The following ANXA10 variants were observed in gnomAD, a reference collection of about 807,000 sequenced individuals.
The protein encoded by ANXA10 is annexin A10, also known as annexin 14.
Under a neutral mutation model 53.5 loss-of-function variants are expected in ANXA10, and 49 were observed. That is an observed-to-expected ratio of 0.92 (90% confidence interval 0.73 to 1.16). ANXA10 has a LOEUF of 1.16. Among genes scored for constraint, ANXA10 ranks in the 50% most tolerant of loss-of-function variants. The probability of loss-of-function intolerance (pLI) is 0.00; values close to 1 mark genes in which losing one functional copy is unlikely to be tolerated. For missense variants in ANXA10, 393 were observed against 394.4 expected (o/e 1.00, Z 0.03); for synonymous variants, 131 against 128.9 (o/e 1.02, Z -0.11).
intron 3 of ANXA10, among the ~76,000 whole-genome samples, chr4:168,141,811 GTC>G (rs1303755272): frequency 1.3e-5 from 2 of 152,154 alleles, no homozygotes; most frequent in African/African-American, 2.4e-5. Context: ...TCTGTCTCAA[GTC>G]TCTGCCTTTT....
chr4:168,155,870 ATATAT>A (rs1192537966), intron 3 of ANXA10, among the ~76,000 whole-genome samples: 229 of 19,052 alleles, frequency 0.012, 12 homozygotes, highest in Non-Finnish European at 0.018. Context: ...ATGATATATC[ATATAT>A]TATATGTTAT....
chr4:168,111,615 T>C (rs1214658503), intron 1 of ANXA10, among the ~76,000 whole-genome samples: 1 of 152,136 alleles, frequency 6.6e-6, no homozygotes, highest in Non-Finnish European at 1.5e-5. Context: ...TCATATATAA[T>C]ATAGAAATAG....
At chr4:168,179,754 C>T (rs1478338879) in intron 9 of ANXA10, among the ~76,000 whole-genome samples, 1 of 151,990 alleles carries the variant, frequency 6.6e-6, no homozygotes, top group African/African-American at 2.4e-5. Flanking sequence ...AGGAGTAAAT[C>T]CTACCATAAA....
intron 3 of ANXA10, among the ~76,000 whole-genome samples, chr4:168,142,898 C>T (rs1303645087): frequency 1.3e-5 from 2 of 152,082 alleles, no homozygotes; most frequent in Admixed American, 1.3e-4. Flanking sequence ...TTACATCTTG[C>T]CAATAACACT....
chr4:168,097,990 T>G (rs1730578941), intron 1 of ANXA10, among the ~76,000 whole-genome samples: 2 of 152,108 alleles, frequency 1.3e-5, no homozygotes, highest in Non-Finnish European at 2.9e-5. Context: ...TTGGTTTCTC[T>G]TGAATGGACT....
rs1560784335 is a variant in ANXA10, at chr4:168,156,130, A to ATAATATT, written c.196-6396_196-6395insATATTTA. On this transcript the variant is annotated intron_variant, in intron 3 of 11. Coordinates refer to ENST00000359299, the MANE Select transcript of ANXA10 (RefSeq NM_007193.5). ...ATATTATATTTATTTATATTTATAT[A>ATAATATT]TATTATATATAAAAATAATATATAT... Among the ~76,000 whole-genome samples, 242 of 38,126 alleles carry ATAATATT rather than the reference A, an allele frequency of 6.3e-3. 2 individuals carry two copies. The highest frequency in any genetic ancestry group is 0.022 in the African/African-American group (208 of 9,254). 25.0% of individuals were successfully genotyped at this position (38,126 alleles called of 152,430 possible). A position where few individuals can be genotyped will look rare whatever the true frequency, so the allele number is the denominator to read the frequency against.
intron 1 of ANXA10, among the ~76,000 whole-genome samples, chr4:168,119,102 T>C (rs915243477): frequency 2.0e-5 from 3 of 152,202 alleles, no homozygotes; most frequent in Non-Finnish European, 4.4e-5. Flanking sequence ...CAACAATGTG[T>C]AAGATTCTAT....
intron 3 of ANXA10, among the ~76,000 whole-genome samples, chr4:168,156,938 C>T (rs1358604297): frequency 6.6e-6 from 1 of 152,076 alleles, no homozygotes; most frequent in Non-Finnish European, 1.5e-5. Flanking sequence ...TCTCATGTCA[C>T]CTCTATCCTC....
intron 1 of ANXA10, among the ~76,000 whole-genome samples, chr4:168,125,747 G>A (rs183463996): frequency 2.4e-4 from 37 of 152,216 alleles, no homozygotes; most frequent in African/African-American, 7.2e-4. Flanking sequence ...ATACCTATTC[G>A]CAGAGGTGGG....
At chr4:168,181,843 A>T in intron 10 of ANXA10, 102 bp downstream of exon 10, 1 of 890,040 alleles carries the variant, frequency 1.1e-6, no homozygotes, top group Non-Finnish European at 1.8e-6. Flanking sequence ...ACCATTTTTG[A>T]ACTTGTATGT....
intron 2 of ANXA10, among the ~76,000 whole-genome samples, chr4:168,130,955 GC>G (rs1318100757): frequency 1.3e-5 from 2 of 151,636 alleles, no homozygotes; most frequent in Non-Finnish European, 2.9e-5. Flanking sequence ...AGCTTTTGGT[GC>G]CATGGATGTT....
intron 3 of ANXA10, among the ~76,000 whole-genome samples, chr4:168,156,168 ATAT>A (rs1376009044): frequency 2.3e-5 from 1 of 43,102 alleles, no homozygotes; most frequent in Non-Finnish European, 3.7e-5. Context: ...TATATTATAT[ATAT>A]TATATTATAT....
intron 10 of ANXA10, 103 bp downstream of exon 10, chr4:168,181,844 A>G (rs759421637): frequency 1.2e-6 from 1 of 857,774 alleles, no homozygotes; most frequent in Non-Finnish European, 1.9e-6. Flanking sequence ...CCATTTTTGA[A>G]CTTGTATGTA....
chr4:168,106,157 G>A (rs1468787371), intron 1 of ANXA10, among the ~76,000 whole-genome samples: 1 of 151,996 alleles, frequency 6.6e-6, no homozygotes, highest in Admixed American at 6.6e-5. Context: ...TGCCTTTGTT[G>A]CAATTGTTGT....
chr4:168,156,388 A>T (rs1440671105), intron 3 of ANXA10, among the ~76,000 whole-genome samples: 1 of 17,594 alleles, frequency 5.7e-5, no homozygotes, highest in Non-Finnish European at 1.2e-4. Context: ...TAATTAATAT[A>T]TATTATATTA....
At chr4:168,146,690 C>A (rs1480703604) in intron 3 of ANXA10, among the ~76,000 whole-genome samples, 1 of 152,122 alleles carries the variant, frequency 6.6e-6, no homozygotes, top group African/African-American at 2.4e-5. Flanking sequence ...GAGAATCAGC[C>A]CTTACTGTGG....
At chr4:168,162,815 G>C (rs1731809573) in intron 4 of ANXA10, among the ~76,000 whole-genome samples, 174 bp downstream of exon 4, 1 of 152,184 alleles carries the variant, frequency 6.6e-6, no homozygotes, top group Non-Finnish European at 1.5e-5. Context: ...GCCTTGTTAG[G>C]AAGGTGGAGC....
intron 11 of ANXA10, among the ~76,000 whole-genome samples, chr4:168,185,785 C>T (rs564367357): frequency 1.3e-5 from 2 of 152,290 alleles, no homozygotes; most frequent in South Asian, 4.1e-4. Flanking sequence ...ACCTTGTTCA[C>T]GTTGTTTTCA....
intron 1 of ANXA10, among the ~76,000 whole-genome samples, chr4:168,107,794 TC>T (rs1730741846): frequency 6.6e-6 from 1 of 152,132 alleles, no homozygotes; most frequent in Admixed American, 6.6e-5. Flanking sequence ...CATCATAGGA[TC>T]CCCATTCTCA....
Sources: allele counts gnomAD v4.1 joint callset (sites outside exome capture counted in the v4.1 genomes callset), GRCh38; gene constraint gnomAD v4.1.1; transcripts MANE v1.5; gene names NCBI Gene and HGNC (gene_info 2026-07-23, HGNC 2026-07-21).